The following CHIC1 variants were observed in gnomAD, a reference collection of about 807,000 sequenced individuals.
The protein encoded by CHIC1 is cysteine rich hydrophobic domain 1, also known as cysteine-rich hydrophobic domain-containing protein 1.
A neutral mutation model predicts 18.5 loss-of-function variants in CHIC1; 7 were observed. The observed-to-expected ratio is 0.38, with a 90% confidence interval of 0.22 to 0.71. The LOEUF is 0.71. CHIC1 is among the 30% of genes least tolerant of loss of function. CHIC1 has a pLI of 0.49. For synonymous variants in CHIC1, 77 were observed against 73.5 expected (o/e 1.05, Z -0.25); for missense variants, 159 against 176.9 (o/e 0.90, Z 0.57).
chrX:73,669,894 T>G (rs1365808025), intron 3 of CHIC1, among the ~76,000 whole-genome samples: 1 of 112,117 alleles, frequency 8.9e-6, no homozygotes, highest in Non-Finnish European at 1.9e-5. Context: ...ACCCCCTTCC[T>G]AGGCATATAT....
At chrX:73,636,567 A>G (rs2057832051) in intron 3 of CHIC1, among the ~76,000 whole-genome samples, 2 of 111,137 alleles carry the variant, frequency 1.8e-5, no homozygotes, top group East Asian at 2.8e-4. Flanking sequence ...TCTTTTCTTC[A>G]TGTCTTATAA....
chrX:73,574,613 T>C (rs970785894), intron 1 of CHIC1, among the ~76,000 whole-genome samples: 1 of 110,563 alleles, frequency 9.0e-6, no homozygotes, highest in Non-Finnish European at 1.9e-5. Flanking sequence ...GAACTTGATA[T>C]TGGTCTGTTT....
chrX:73,646,496 T>A (rs1438780529), intron 3 of CHIC1, among the ~76,000 whole-genome samples: 2 of 112,246 alleles, frequency 1.8e-5, no homozygotes, highest in Non-Finnish European at 3.8e-5. Flanking sequence ...CATTTGTGTG[T>A]TCTTCCATTT....
intron 3 of CHIC1, among the ~76,000 whole-genome samples, chrX:73,632,851 C>T (rs1222320650): frequency 9.7e-6 from 1 of 102,565 alleles, no homozygotes; most frequent in Non-Finnish European, 2.0e-5. Flanking sequence ...TGACTGCAAG[C>T]TCCACCTCCC....
intron 3 of CHIC1, among the ~76,000 whole-genome samples, chrX:73,670,306 T>C (rs1247417081): frequency 1.8e-5 from 2 of 111,865 alleles, no homozygotes; most frequent in Admixed American, 1.9e-4. Context: ...CTCACCCCTT[T>C]CATTCCTCTC....
In CHIC1 at chrX:73,686,250, C is replaced by T. The variant is rs1309836691; in HGVS notation, c.*5245C>T. ...ATTATTTGACCCCCTCCACAGATTGCTTACCTAGTCTCTAAATAATGAAAT... is the reference window on the plus strand; with the variant it reads ...ATTATTTGACCCCCTCCACAGATTGTTTACCTAGTCTCTAAATAATGAAAT... On this transcript the variant is annotated 3_prime_UTR_variant, in exon 6 of 6. Transcript: ENST00000373502. The T allele has an allele frequency of 1.8e-5, 2 of 111,247 alleles. No homozygotes were observed. Among genetic ancestry groups the T allele is most frequent in the Admixed American group, 9.6e-5 (1 of 10,393 alleles). 9.2% of individuals were successfully genotyped at this position (111,247 alleles called of 1,213,427 possible).
chrX:73,613,123 T>C (rs761680029), intron 3 of CHIC1, among the ~76,000 whole-genome samples: 1 of 112,438 alleles, frequency 8.9e-6, no homozygotes, highest in East Asian at 2.8e-4. Flanking sequence ...CTGATGTATG[T>C]ATGTATGTAT....
chrX:73,598,975 A>T (rs1325033583), intron 3 of CHIC1, among the ~76,000 whole-genome samples: 3 of 107,128 alleles, frequency 2.8e-5, no homozygotes, highest in Non-Finnish European at 5.8e-5. Context: ...CTATTTCTCC[A>T]CATCCTCTCC....
chrX:73,577,343 T>TTA, intron 1 of CHIC1, 64 bp from the exon 2 acceptor site: 1 of 890,133 alleles, frequency 1.1e-6, no homozygotes, highest in Non-Finnish European at 1.6e-6. Flanking sequence ...AACTTTTTTT[T>TTA]AAAAAAAAGG....
chrX:73,616,802 G>T (rs1317014575), intron 3 of CHIC1, among the ~76,000 whole-genome samples: 1 of 111,624 alleles, frequency 9.0e-6, no homozygotes, highest in Non-Finnish European at 1.9e-5. Context: ...CACAGCAGGG[G>T]TCCCCTAGGC....
chrX:73,582,355 A>G (rs763329081), intron 2 of CHIC1, among the ~76,000 whole-genome samples: 1 of 110,678 alleles, frequency 9.0e-6, no homozygotes, highest in South Asian at 3.7e-4. Flanking sequence ...TTTAACTTCT[A>G]TTTGGTTGCC....
chrX:73,590,406 T>G (rs1276652456), intron 3 of CHIC1, among the ~76,000 whole-genome samples: 2 of 110,910 alleles, frequency 1.8e-5, no homozygotes, highest in East Asian at 5.7e-4. Context: ...CCCCTACTAT[T>G]GAGATCTTAC....
At chrX:73,567,761 A>G (rs1178459547) in intron 1 of CHIC1, among the ~76,000 whole-genome samples, 2 of 108,438 alleles carry the variant, frequency 1.8e-5, no homozygotes, top group Non-Finnish European at 3.8e-5. Flanking sequence ...AACTTTTGCC[A>G]TTTCCCTTAC....
intron 2 of CHIC1, among the ~76,000 whole-genome samples, chrX:73,578,195 A>G (rs1276734914): frequency 1.8e-5 from 2 of 110,714 alleles, no homozygotes; most frequent in Non-Finnish European, 3.8e-5. Context: ...ACATCAAAAC[A>G]TCATGTTGTA....
chrX:73,563,214 C>T lies in CHIC1; in HGVS notation c.-71C>T. 3.9e-6 allele frequency: 4 copies of T among 1,014,028 alleles called. No homozygotes were observed. The highest frequency in any genetic ancestry group is 5.0e-6 in the Non-Finnish European group (4 of 792,160). 83.6% of individuals were successfully genotyped at this position (1,014,028 alleles called of 1,213,427 possible). A position where few individuals can be genotyped will look rare whatever the true frequency, so the allele number is the denominator to read the frequency against. On this transcript the variant is annotated 5_prime_UTR_variant, in exon 1 of 6. Coordinates refer to ENST00000373502, the MANE Select transcript of CHIC1 (RefSeq NM_001039840.4). ...TCCTCTTTCTCTTCATTTCGTTCCC[C>T]CTCCTCTTGCAGCACCTCGGCAGGT... is the stretch of plus-strand genomic sequence containing the variant.
intron 5 of CHIC1, 22 bp downstream of exon 5, chrX:73,679,735 A>G (rs2058088285): frequency 2.2e-6 from 2 of 899,827 alleles, no homozygotes; most frequent in East Asian, 7.5e-5. Flanking sequence ...GTTGTTTTTA[A>G]TTATTTTTTT....
chrX:73,646,980 G>T (rs1043006815), intron 3 of CHIC1, among the ~76,000 whole-genome samples: 1 of 111,765 alleles, frequency 8.9e-6, no homozygotes, highest in African/African-American at 3.3e-5. Context: ...TTTGTATATG[G>T]TGAGAGATAG....
At chrX:73,675,148 C>A (rs1228146326) in intron 3 of CHIC1, among the ~76,000 whole-genome samples, 4 of 111,733 alleles carry the variant, frequency 3.6e-5, no homozygotes, top group Non-Finnish European at 7.5e-5. Context: ...GAGTGCTTTA[C>A]TTCCGTGTGG....
intron 3 of CHIC1, among the ~76,000 whole-genome samples, chrX:73,599,329 T>C (rs1456270886): frequency 2.0e-5 from 2 of 100,260 alleles, no homozygotes; most frequent in Non-Finnish European, 3.9e-5. Context: ...AGAAGCTCTT[T>C]AGTTTAATTA....
Sources: gnomAD v4.1 joint callset for allele counts (sites outside exome capture counted in the v4.1 genomes callset) on GRCh38, gnomAD v4.1.1 for gene constraint, MANE v1.5 for transcripts, NCBI Gene and HGNC (gene_info 2026-07-23, HGNC 2026-07-21) for gene names.